Variants in CACNA1D observed in about 807,000 individuals in gnomAD.
The protein encoded by CACNA1D is voltage-dependent L-type calcium channel subunit alpha-1D.
In CACNA1D, 55 loss-of-function variants were observed where a neutral mutation model predicts 257.1. That is an observed-to-expected ratio of 0.21 (90% CI 0.17 to 0.27). The LOEUF (loss-of-function observed/expected upper bound fraction) is 0.27. CACNA1D is among the 10% of genes least tolerant of loss of function. The pLI, the probability that CACNA1D is intolerant of heterozygous loss-of-function variation, is 1.00. For missense variants in CACNA1D, 1,876 were observed against 2,784.0 expected (o/e 0.67, Z 7.34); for synonymous variants, 980 against 1,014.9 (o/e 0.97, Z 0.65).
At position 53,681,435 on chromosome 3, in the gene CACNA1D, C is replaced by T. The variant is rs557942108; in HGVS notation, c.1220+8309C>T. The stretch of plus-strand genomic sequence containing the variant: ...AAAATCCTGCTGGATCCTTTTTTCT[C>T]CCTCTCTCTTAACTTCCTAAGAATG... On this transcript the variant is annotated intron_variant, in intron 8 of 47. Coordinates refer to ENST00000350061, the MANE Select transcript of CACNA1D (RefSeq NM_001128840.3). Among the ~76,000 whole-genome samples, 22 of 152,220 alleles carry T rather than the reference C, an allele frequency of 1.4e-4. No individual in the cohort carries two copies. In the East Asian group the frequency reaches 4.1e-3, roughly 28 times the overall value.
chr3:53,704,010 A>G (rs1194297606), intron 9 of CACNA1D, among the ~76,000 whole-genome samples: 3 of 152,200 alleles, frequency 2.0e-5, no homozygotes, highest in Admixed American at 6.5e-5. Flanking sequence ...ACCCTGACCC[A>G]GGGGACTAGC....
chr3:53,749,132 TCCAGCAG>T (rs773211960), intron 26 of CACNA1D, 129 bp from the exon 27 acceptor site: 1 of 718,416 alleles, frequency 1.4e-6, no homozygotes, highest in East Asian at 2.7e-5. Context: ...CCTGGTTGTG[TCCAGCAG>T]CCTTGGGGTG....
chr3:53,601,230 T>C (rs2093437734), intron 3 of CACNA1D, among the ~76,000 whole-genome samples: 2 of 152,242 alleles, frequency 1.3e-5, no homozygotes, highest in South Asian at 4.1e-4. Flanking sequence ...TGTTTCTCTG[T>C]ACATCCCATC....
At chr3:53,757,722 C>T (rs2095274356) in intron 29 of CACNA1D, among the ~76,000 whole-genome samples, 1 of 152,230 alleles carries the variant, frequency 6.6e-6, no homozygotes, top group Non-Finnish European at 1.5e-5. Flanking sequence ...TCGTCCCCAC[C>T]CCATCCCCAG....
intron 8 of CACNA1D, among the ~76,000 whole-genome samples, chr3:53,675,258 G>A (rs1380945653): frequency 6.6e-6 from 1 of 152,156 alleles, no homozygotes; most frequent in Admixed American, 6.5e-5. Context: ...TCAAGCCTCC[G>A]GCCCTTCCAC....
At chr3:53,687,852 A>G (rs1476754174) in intron 8 of CACNA1D, among the ~76,000 whole-genome samples, 1 of 152,240 alleles carries the variant, frequency 6.6e-6, no homozygotes, top group Admixed American at 6.5e-5. Flanking sequence ...AAGATGTTCT[A>G]TGTCATAAAC....
At chr3:53,779,893 CA>C in intron 37 of CACNA1D, 132 bp from the exon 38 acceptor site, 1 of 740,558 alleles carries the variant, frequency 1.4e-6, no homozygotes. Context: ...TGCGTACCCC[CA>C]AATGGCTGTT....
In CACNA1D at chr3:53,732,813, A is replaced by C. The variant is rs952695177; in HGVS notation, c.2474-2A>C. 1.2e-6 allele frequency: 2 copies of C among 1,612,494 alleles called. No individual in the cohort carries two copies. The highest frequency in any genetic ancestry group is 1.7e-5 in the Admixed American group (1 of 60,024). ...CCTATAAAAAAAGTATTTCATTTAA[A>C]GTAGGGGAAGAGGAAGAGGAAGAGG... On this transcript the variant is annotated splice_acceptor_variant, in intron 18 of 47. Coordinates refer to ENST00000350061, the MANE Select transcript of CACNA1D (RefSeq NM_001128840.3). LOFTEE classifies it high-confidence loss of function.
intron 3 of CACNA1D, among the ~76,000 whole-genome samples, chr3:53,510,167 C>G (rs1249478373): frequency 6.6e-6 from 1 of 152,166 alleles, no homozygotes; most frequent in Admixed American, 6.5e-5. Flanking sequence ...AGTAACAAAC[C>G]CCTTTACCTA....
At chr3:53,508,741 G>C (rs901531203) in intron 3 of CACNA1D, among the ~76,000 whole-genome samples, 1 of 152,168 alleles carries the variant, frequency 6.6e-6, no homozygotes, top group Non-Finnish European at 1.5e-5. Context: ...CCAATACAGG[G>C]TGACAGCATG....
chr3:53,741,381 G>A (rs574643134), intron 21 of CACNA1D, among the ~76,000 whole-genome samples: 1 of 152,328 alleles, frequency 6.6e-6, no homozygotes, highest in East Asian at 1.9e-4. Flanking sequence ...GACTACTGTG[G>A]AACTTGGGCT....
intron 3 of CACNA1D, among the ~76,000 whole-genome samples, chr3:53,593,530 G>C (rs1190521149): frequency 6.6e-6 from 1 of 152,218 alleles, no homozygotes; most frequent in African/African-American, 2.4e-5. Flanking sequence ...TGCTCCCAAA[G>C]GTGCTTGGGC....
At chr3:53,508,890 G>A (rs894604316) in intron 3 of CACNA1D, among the ~76,000 whole-genome samples, 1 of 152,176 alleles carries the variant, frequency 6.6e-6, no homozygotes, top group Admixed American at 6.5e-5. Context: ...GGTGTACAGG[G>A]AGGGACCATG....
chr3:53,772,391 T>C (rs910118068), intron 32 of CACNA1D, among the ~76,000 whole-genome samples: 12 of 152,198 alleles, frequency 7.9e-5, no homozygotes, highest in African/African-American at 2.4e-4. Context: ...CATAAAGATA[T>C]TCCTTTGCGA....
At chr3:53,698,534 G>C (rs989856661) in intron 8 of CACNA1D, among the ~76,000 whole-genome samples, 10 of 152,110 alleles carry the variant, frequency 6.6e-5, no homozygotes, top group African/African-American at 2.4e-4. Context: ...AGATTTGTTT[G>C]TTTCAAATCA....
chr3:53,596,172 C>T (rs60385590), intron 3 of CACNA1D, among the ~76,000 whole-genome samples: 23 of 151,866 alleles, frequency 1.5e-4, no homozygotes, highest in Admixed American at 8.5e-4. Context: ...ATGCTGGGGA[C>T]GGACAGCTGT....
chr3:53,747,372 A>G lies in CACNA1D; in HGVS notation c.3238A>G (p.Ser1080Gly), dbSNP rs2095180287. The G allele has an allele frequency of 1.2e-6, 2 of 1,614,084 alleles. No individual in the cohort carries two copies. Among genetic ancestry groups the G allele is most frequent in the African/African-American group, 1.3e-5 (1 of 75,060 alleles). Residue 1080 changes from serine to glycine, a missense_variant, in exon 26 of 48, where the codon AGT (serine) becomes GGT (glycine). Ser to Gly is a moderately conservative substitution (Grantham distance 56, BLOSUM62 0). Around this residue, in one of 10 missense-constraint regions of CACNA1D, gnomAD observed 271 missense variants for 425.5 expected, o/e 0.64. Transcript: ENST00000350061. Reference protein sequence around the residue: ...PVVRERIWQNSDFNFDNVLSA... With the variant: ...PVVRERIWQNGDFNFDNVLSA... Reference sequence around the variant, plus strand: ...GGTCCGTGAACGGATCTGGCAAAACAGTGATTTCAACTTCGACAACGTCCT... The same window carrying G: ...GGTCCGTGAACGGATCTGGCAAAACGGTGATTTCAACTTCGACAACGTCCT...
intron 9 of CACNA1D, among the ~76,000 whole-genome samples, chr3:53,705,345 G>A (rs961000373): frequency 1.3e-5 from 2 of 152,258 alleles, no homozygotes; most frequent in Admixed American, 6.5e-5. Context: ...GGGCCCTTAA[G>A]TGCATTGCTC....
intron 9 of CACNA1D, among the ~76,000 whole-genome samples, chr3:53,711,343 T>C (rs552237689): frequency 6.6e-6 from 1 of 152,368 alleles, no homozygotes; most frequent in East Asian, 1.9e-4. Flanking sequence ...GGGAAAGTTA[T>C]ATTTCCAGAT....
Sources: allele counts gnomAD v4.1 joint callset (sites outside exome capture counted in the v4.1 genomes callset), GRCh38; gene constraint gnomAD v4.1.1; regional missense constraint gnomAD v4.1.1; transcripts MANE v1.5; gene names NCBI Gene and HGNC (gene_info 2026-07-23, HGNC 2026-07-21).